ARB2A: variants seen among roughly 807,000 people sequenced by gnomAD.
ARB2A encodes cotranscriptional regulator ARB2A.
the ARB2A span, among the ~76,000 whole-genome samples, chr5:93,854,134 A>C: frequency 1.3e-5 from 2 of 152,084 alleles, no homozygotes; most frequent in African/African-American, 2.4e-5. Flanking sequence ...ACAATTTCAG[A>C]GCCTGTTATT....
At chr5:93,910,759 G>A in the ARB2A span, 3 of 151,424 alleles carry the variant, frequency 2.0e-5, no homozygotes, top group East Asian at 5.8e-4. Context: ...CTAAAATACA[G>A]TTAACATTTT....
the ARB2A span, among the ~76,000 whole-genome samples, chr5:94,034,916 T>C: frequency 1.3e-5 from 2 of 152,138 alleles, no homozygotes; most frequent in Non-Finnish European, 1.5e-5. Flanking sequence ...TAAACCCTAC[T>C]GTGAACTGTA....
the ARB2A span, among the ~76,000 whole-genome samples, chr5:94,062,672 T>C: frequency 6.6e-6 from 1 of 151,998 alleles, no homozygotes; most frequent in Non-Finnish European, 1.5e-5. Flanking sequence ...TGCTGAGCCA[T>C]ACACAACTCC....
At chr5:93,779,124 T>TGTGTGTGTGTGTGCGC in the ARB2A span, among the ~76,000 whole-genome samples, 74 of 146,386 alleles carry the variant, frequency 5.1e-4, no homozygotes, top group African/African-American at 1.9e-3. Context: ...TGTGTGTGTG[T>TGTGTGTGTGTGTGCGC]GCGCGCGCGC....
At chr5:93,852,740 G>C in the ARB2A span, among the ~76,000 whole-genome samples, 1 of 152,086 alleles carries the variant, frequency 6.6e-6, no homozygotes, top group African/African-American at 2.4e-5. Flanking sequence ...GTTTTTCTCA[G>C]GTTTGTCAAA....
At chr5:93,639,221 C>T in the ARB2A span, among the ~76,000 whole-genome samples, 7 of 152,184 alleles carry the variant, frequency 4.6e-5, no homozygotes, top group Non-Finnish European at 7.4e-5. Context: ...TTGCTGACTA[C>T]TGGTCATGAA....
chr5:93,698,691 C>T, the ARB2A span, among the ~76,000 whole-genome samples: 1 of 152,218 alleles, frequency 6.6e-6, no homozygotes, highest in African/African-American at 2.4e-5. Flanking sequence ...TACAGATGAA[C>T]ACTCTAATAT....
At chr5:94,053,141 A>G in the ARB2A span, 1 of 1,589,872 alleles carries the variant, frequency 6.3e-7, no homozygotes, top group Non-Finnish European at 8.6e-7. Context: ...TTAAAAGCAT[A>G]TTCAAATCCT....
the ARB2A span, among the ~76,000 whole-genome samples, chr5:93,625,871 A>G: frequency 6.6e-6 from 1 of 152,240 alleles, no homozygotes; most frequent in Admixed American, 6.5e-5. Flanking sequence ...AAAGAATAGG[A>G]TAAGAGAGAT....
the ARB2A span, among the ~76,000 whole-genome samples, chr5:94,020,610 A>G: frequency 1.3e-5 from 2 of 152,148 alleles, no homozygotes; most frequent in East Asian, 1.9e-4. Context: ...AACAAGAAAC[A>G]TAACACTTGG....
chr5:94,066,384 T>G, the ARB2A span, among the ~76,000 whole-genome samples: 8 of 150,944 alleles, frequency 5.3e-5, no homozygotes, highest in Admixed American at 1.3e-4. Context: ...GGTAACTTTT[T>G]TGAAAAAGAT....
the ARB2A span, among the ~76,000 whole-genome samples, chr5:94,023,908 A>G: frequency 6.6e-6 from 1 of 152,176 alleles, no homozygotes; most frequent in African/African-American, 2.4e-5. Context: ...AATACATATC[A>G]ACCTTGTTTG....
chr5:93,857,828 A>G, the ARB2A span, among the ~76,000 whole-genome samples: 1 of 152,144 alleles, frequency 6.6e-6, no homozygotes, highest in Non-Finnish European at 1.5e-5. Context: ...CCCTAGTGAG[A>G]TGAACCCGGT....
At chr5:93,911,090 T>C in the ARB2A span, among the ~76,000 whole-genome samples, 13 of 151,744 alleles carry the variant, frequency 8.6e-5, no homozygotes, top group Admixed American at 3.3e-4. Context: ...AGTACGTTTC[T>C]TTTTGTTACA....
chr5:93,807,032 C>G, the ARB2A span, among the ~76,000 whole-genome samples: 2 of 151,870 alleles, frequency 1.3e-5, no homozygotes, highest in Admixed American at 6.6e-5. Flanking sequence ...CAAAAGTAAC[C>G]TTTTTGTAAA....
At chr5:94,024,930 G>A in the ARB2A span, among the ~76,000 whole-genome samples, 1 of 152,158 alleles carries the variant, frequency 6.6e-6, no homozygotes, top group Admixed American at 6.5e-5. Flanking sequence ...ACAAGAGGGA[G>A]GCAAGAGATG....
At chr5:93,867,538 C>T in the ARB2A span, among the ~76,000 whole-genome samples, 1 of 152,154 alleles carries the variant, frequency 6.6e-6, no homozygotes, top group East Asian at 1.9e-4. Flanking sequence ...CTGCCTCAGC[C>T]TCCCGAGTAG....
the ARB2A span, among the ~76,000 whole-genome samples, chr5:93,719,206 T>C: frequency 4.6e-5 from 7 of 152,216 alleles, no homozygotes; most frequent in South Asian, 2.1e-4. Context: ...TTTTCTACCA[T>C]GGCTGTTGTC....
the ARB2A span, among the ~76,000 whole-genome samples, chr5:93,695,686 T>C: frequency 6.6e-6 from 1 of 152,172 alleles, no homozygotes; most frequent in Non-Finnish European, 1.5e-5. Flanking sequence ...CATTACTGGG[T>C]ATATACCCAA....
Sources: gnomAD v4.1 joint callset for allele counts (sites outside exome capture counted in the v4.1 genomes callset) on GRCh38, gnomAD v4.1.1 for gene constraint, MANE v1.5 for transcripts, NCBI Gene and HGNC (gene_info 2026-07-23, HGNC 2026-07-21) for gene names.